The following INTS9 variants were observed in gnomAD, a reference collection of about 807,000 sequenced individuals.
INTS9 encodes the protein integrator complex subunit 9, also known as protein related to CPSF subunits of 74 kDa.
INTS9 carries 55 observed loss-of-function variants against 79.7 expected under a neutral mutation model. The ratio of observed to expected loss-of-function variants is 0.69; its 90% CI spans 0.56 to 0.86. The LOEUF is 0.86. Among genes scored for constraint, INTS9 ranks in the 40% least tolerant of loss-of-function variants. The pLI is 0.00. For synonymous variants in INTS9, 319 were observed against 325.2 expected (o/e 0.98, Z 0.20); for missense variants, 721 against 831.5 (o/e 0.87, Z 1.64).
intron 1 of INTS9, among the ~76,000 whole-genome samples, chr8:28,875,901 G>C (rs1484572216): frequency 2.0e-5 from 3 of 152,112 alleles, no homozygotes; most frequent in African/African-American, 7.2e-5. Context: ...GCCAAACAAT[G>C]GATTTTTGTT....
chr8:28,850,006 A>G (rs764175465), intron 3 of INTS9: 1 of 424,412 alleles, frequency 2.4e-6, no homozygotes, highest in Non-Finnish European at 4.2e-6. Flanking sequence ...AGCAAAATGG[A>G]TCTGAATCAG....
Position 28,787,571 on chromosome 8 carries a change from C to T in INTS9, c.1098+258G>A, listed in dbSNP as rs1803682694. The stretch of plus-strand genomic sequence containing the variant: ...GGGATGCTCAACCAGTAAGTATATT[C>T]CCGAATCCCAAGTCTGAAACAATTC... On this transcript the variant is annotated intron_variant, in intron 11 of 16. Coordinates refer to ENST00000521022, the MANE Select transcript of INTS9 (RefSeq NM_018250.4). Among the ~76,000 whole-genome samples the T allele has an allele frequency of 2.0e-5, 3 of 152,162 alleles. No homozygotes were observed. The South Asian group carries it at 6.2e-4, about 32-fold the overall frequency.
chr8:28,817,246 T>G (rs532979986), intron 6 of INTS9, among the ~76,000 whole-genome samples: 58 of 151,970 alleles, frequency 3.8e-4, no homozygotes, highest in African/African-American at 1.1e-3. Context: ...ATGTCCTGAA[T>G]GGTAATGCCT....
chr8:28,780,732 A>ACAGGGTAG, intron 12 of INTS9, 91 bp downstream of exon 12: 1 of 1,536,688 alleles, frequency 6.5e-7, no homozygotes, highest in South Asian at 1.2e-5. Context: ...GTCTCACTGC[A>ACAGGGTAG]AAATCCTTCC....
intron 6 of INTS9, among the ~76,000 whole-genome samples, chr8:28,824,120 T>C (rs1167803073): frequency 6.6e-6 from 1 of 152,216 alleles, no homozygotes; most frequent in African/African-American, 2.4e-5. Context: ...ACGCATAATA[T>C]AGGGCTTCTG....
intron 11 of INTS9, 55 bp downstream of exon 11, chr8:28,787,774 C>T (rs953720717): frequency 2.8e-5 from 36 of 1,285,410 alleles, no homozygotes; most frequent in Non-Finnish European, 3.8e-5. Context: ...TCTGCATCTG[C>T]ATCAGGTTAT....
intron 1 of INTS9, among the ~76,000 whole-genome samples, chr8:28,881,127 G>A (rs1390739104): frequency 6.7e-6 from 1 of 149,456 alleles, no homozygotes. Context: ...AGGGAGGTGG[G>A]GGGGTCAGCC....
At chr8:28,882,154 T>C (rs1251678220) in intron 1 of INTS9, among the ~76,000 whole-genome samples, 2 of 144,238 alleles carry the variant, frequency 1.4e-5, no homozygotes, top group East Asian at 4.0e-4. Flanking sequence ...TGTGACCTTA[T>C]CCCCAACCCT....
intron 8 of INTS9, among the ~76,000 whole-genome samples, chr8:28,802,965 A>G (rs78095754): frequency 6.6e-6 from 1 of 151,312 alleles, no homozygotes; most frequent in Non-Finnish European, 1.5e-5. Flanking sequence ...AAAAAAAAAA[A>G]TTAGCCAGAT....
intron 6 of INTS9, among the ~76,000 whole-genome samples, chr8:28,814,871 C>A (rs568619042): frequency 6.6e-6 from 1 of 152,118 alleles, no homozygotes; most frequent in East Asian, 1.9e-4. Flanking sequence ...AAGATTCTAA[C>A]GCAGAGGATT....
intron 1 of INTS9, among the ~76,000 whole-genome samples, chr8:28,859,911 A>T (rs1031717813): frequency 6.6e-6 from 1 of 152,196 alleles, no homozygotes; most frequent in African/African-American, 2.4e-5. Context: ...GTATGTAAGT[A>T]CTGTCTAAAG....
At chr8:28,875,364 C>T (rs1372363583) in intron 1 of INTS9, among the ~76,000 whole-genome samples, 1 of 152,210 alleles carries the variant, frequency 6.6e-6, no homozygotes, top group Non-Finnish European at 1.5e-5. Flanking sequence ...TTTACTTTAA[C>T]TGTTCCTTCT....
Position 28,877,577 on chromosome 8 carries a change from T to C in INTS9, c.9+12297A>G, listed in dbSNP as rs558167667. Among the ~76,000 whole-genome samples the C allele has an allele frequency of 1.7e-3, 264 of 152,240 alleles. 1 individual carries two copies. Among genetic ancestry groups the C allele is most frequent in the African/African-American group, 6.2e-3 (256 of 41,566 alleles). Reference sequence around the variant, plus strand: ...AAATGTATGCTACAGATGTACTCCCTAAGAGGCTCAAAAAGGAGATAATCT... The same window carrying C: ...AAATGTATGCTACAGATGTACTCCCCAAGAGGCTCAAAAAGGAGATAATCT... On this transcript the variant is annotated intron_variant, in intron 1 of 16. Transcript: ENST00000521022.
chr8:28,889,173 G>C (rs1300993186), intron 1 of INTS9, among the ~76,000 whole-genome samples: 1 of 152,138 alleles, frequency 6.6e-6, no homozygotes, highest in Non-Finnish European at 1.5e-5. Flanking sequence ...GAGTCAAATG[G>C]CTCAAATCAA....
In INTS9 at chr8:28,787,301, T is replaced by G. The variant is rs186777708; in HGVS notation, c.1098+528A>C. Among the ~76,000 whole-genome samples, 5 of 152,354 alleles carry G rather than the reference T, an allele frequency of 3.3e-5. No individual in the cohort carries two copies. The East Asian group carries it at 9.6e-4, about 29-fold the overall frequency. On this transcript the variant is annotated intron_variant, in intron 11 of 16. Coordinates refer to ENST00000521022, the MANE Select transcript of INTS9 (RefSeq NM_018250.4). The stretch of plus-strand genomic sequence containing the variant: ...TTTCGTCACTAAAAATGTACATATA[T>G]GACTGACATAACTGGAAAGAACACT...
At chr8:28,786,103 A>G (rs554701438) in intron 11 of INTS9, among the ~76,000 whole-genome samples, 1 of 152,212 alleles carries the variant, frequency 6.6e-6, no homozygotes, top group African/African-American at 2.4e-5. Flanking sequence ...ATCATACCAT[A>G]TCTACTCTTT....
At chr8:28,801,531 A>C (rs114774139) in intron 8 of INTS9, among the ~76,000 whole-genome samples, 1,976 of 152,056 alleles carry the variant, frequency 0.013, 45 homozygotes, top group African/African-American at 0.045. Flanking sequence ...AACCCAAAAA[A>C]CAAAAACCTT....
chr8:28,784,032 C>CT (rs1803446467), intron 11 of INTS9: 1 of 152,242 alleles, frequency 6.6e-6, no homozygotes, highest in South Asian at 2.1e-4. Flanking sequence ...TTCTAGCCAA[C>CT]TTACTGCATT....
chr8:28,883,667 T>C (rs1158352097), intron 1 of INTS9, among the ~76,000 whole-genome samples: 1 of 152,222 alleles, frequency 6.6e-6, no homozygotes, highest in Non-Finnish European at 1.5e-5. Flanking sequence ...GGACATTCAA[T>C]GTAATACTGC....
Sources: allele counts gnomAD v4.1 joint callset (sites outside exome capture counted in the v4.1 genomes callset), GRCh38; gene constraint gnomAD v4.1.1; transcripts MANE v1.5; gene names NCBI Gene and HGNC (gene_info 2026-07-23, HGNC 2026-07-21).